The following FHIT variants were observed in gnomAD, a reference collection of about 807,000 sequenced individuals.
FHIT encodes bis(5'-adenosyl)-triphosphatase.
Under a neutral mutation model 17.9 loss-of-function variants are expected in FHIT, and 19 were observed. That is an observed-to-expected ratio of 1.06 (90% confidence interval 0.74 to 1.56). The LOEUF is 1.56. FHIT is among the 40% of genes most tolerant of loss of function. The pLI is 0.00. For synonymous variants in FHIT, 81 were observed against 69.7 expected, an observed-to-expected ratio of 1.16 and a Z score of -0.81; for missense variants, 248 against 189.2, an observed-to-expected ratio of 1.31 and a Z score of -1.82.
intron 3 of FHIT, among the ~76,000 whole-genome samples, chr3:60,931,320 A>G (rs1415219775): frequency 6.6e-6 from 1 of 152,228 alleles, no homozygotes; most frequent in Non-Finnish European, 1.5e-5. Context: ...CATATGTAAC[A>G]AACCTGCACG....
intron 5 of FHIT, among the ~76,000 whole-genome samples, chr3:60,094,599 T>G (rs1703862701): frequency 6.6e-6 from 1 of 152,156 alleles, no homozygotes; most frequent in Non-Finnish European, 1.5e-5. Context: ...TCTGACAGCA[T>G]CTCCTGTCAG....
intron 5 of FHIT, among the ~76,000 whole-genome samples, chr3:60,032,997 A>G (rs1360377519): frequency 2.0e-5 from 3 of 152,218 alleles, no homozygotes; most frequent in Admixed American, 2.0e-4. Flanking sequence ...CGTACTATAG[A>G]ACAGTCTACA....
rs1039348522 is a variant in FHIT at position 60,377,398 on chromosome 3, C to A, written c.103+159462G>T. Among the ~76,000 whole-genome samples the A allele has an allele frequency of 5.3e-5, 8 of 149,870 alleles. 1 individual carries two copies. In the South Asian group the frequency reaches 1.7e-3, roughly 32 times the overall value. On this transcript the variant is annotated intron_variant, in intron 5 of 9. Coordinates refer to ENST00000492590, the MANE Select transcript of FHIT (RefSeq NM_002012.4). ...GGTCTCAATCTCTTGACCTTGTGATCCTCCCGCCTCAGCCTCCCAAAGTGC... is the reference window on the plus strand; with the variant it reads ...GGTCTCAATCTCTTGACCTTGTGATACTCCCGCCTCAGCCTCCCAAAGTGC...
intron 4 of FHIT, among the ~76,000 whole-genome samples, chr3:60,720,660 C>A (rs750572355): frequency 1.3e-5 from 2 of 152,116 alleles, no homozygotes; most frequent in Non-Finnish European, 2.9e-5. Flanking sequence ...TGGTGGGACC[C>A]ATGCACCTGA....
intron 5 of FHIT, among the ~76,000 whole-genome samples, chr3:60,085,894 C>A (rs913163994): frequency 6.6e-6 from 1 of 152,182 alleles, no homozygotes; most frequent in African/African-American, 2.4e-5. Context: ...AAGGTGGCTC[C>A]TCCTGTGAGA....
At chr3:60,810,067 G>A (rs1701525450) in intron 4 of FHIT, among the ~76,000 whole-genome samples, 1 of 152,150 alleles carries the variant, frequency 6.6e-6, no homozygotes. Context: ...AAACACTGAA[G>A]CAGAGATTTC....
intron 5 of FHIT, among the ~76,000 whole-genome samples, chr3:60,227,570 G>A (rs1204764011): frequency 6.6e-6 from 1 of 152,114 alleles, no homozygotes; most frequent in African/African-American, 2.4e-5. Context: ...CCTGGAAGAA[G>A]GAAGAACACG....
At chr3:60,539,023 A>C (rs1332606961) in intron 4 of FHIT, among the ~76,000 whole-genome samples, 5 of 152,098 alleles carry the variant, frequency 3.3e-5, no homozygotes, top group Admixed American at 2.0e-4. Flanking sequence ...AATGGGAGAA[A>C]ATTTTTGCAA....
intron 5 of FHIT, among the ~76,000 whole-genome samples, chr3:60,334,718 C>G (rs1710152282): frequency 6.6e-6 from 1 of 152,232 alleles, no homozygotes; most frequent in Admixed American, 6.5e-5. Context: ...ACCCAGGAAG[C>G]AGAGGTTGCA....
chr3:60,931,242 G>A lies in FHIT; in HGVS notation c.-110-109231C>T, dbSNP rs531201704. On this transcript the variant is annotated intron_variant, in intron 3 of 9. Transcript: ENST00000492590. ...GGTGGGGGGAGTGGGGAGGGATAGC[G>A]TTAGGAGATATACCTAATGCTAAAT... 5.9e-3 allele frequency among the ~76,000 whole-genome samples: 891 copies of A among 152,004 alleles called. 9 individuals are homozygous for A. Among genetic ancestry groups the A allele is most frequent in the African/African-American group, 0.02 (830 of 41,406 alleles).
chr3:59,789,029 G>A (rs1172669959), intron 8 of FHIT, among the ~76,000 whole-genome samples: 5 of 152,110 alleles, frequency 3.3e-5, no homozygotes, highest in South Asian at 4.1e-4. Flanking sequence ...ATCGCACTGC[G>A]TGCTAGTTTA....
At chr3:60,722,495 A>T (rs1261489244) in intron 4 of FHIT, among the ~76,000 whole-genome samples, 1 of 152,106 alleles carries the variant, frequency 6.6e-6, no homozygotes, top group African/African-American at 2.4e-5. Context: ...GGATTTCTCA[A>T]CCTTGGCACT....
chr3:59,837,987 G>T (rs1471000887), intron 8 of FHIT, among the ~76,000 whole-genome samples: 1 of 152,066 alleles, frequency 6.6e-6, no homozygotes, highest in Non-Finnish European at 1.5e-5. Context: ...TGCAGTCATT[G>T]CCACCATCAC....
chr3:59,868,708 T>G (rs1381378520), intron 8 of FHIT, among the ~76,000 whole-genome samples: 1 of 152,188 alleles, frequency 6.6e-6, no homozygotes, highest in African/African-American at 2.4e-5. Context: ...ATCGATTTGC[T>G]TCTCTGGGTA....
At chr3:60,331,973 T>C (rs1710000601) in intron 5 of FHIT, among the ~76,000 whole-genome samples, 1 of 152,124 alleles carries the variant, frequency 6.6e-6, no homozygotes, top group African/African-American at 2.4e-5. Flanking sequence ...AATGCACTTG[T>C]CCTTCCTCAC....
At chr3:60,511,065 G>A (rs767017940) in intron 5 of FHIT, among the ~76,000 whole-genome samples, 8 of 152,124 alleles carry the variant, frequency 5.3e-5, no homozygotes, top group Non-Finnish European at 1.0e-4. Flanking sequence ...ACAGCAGAGT[G>A]GTCAAGAATC....
In FHIT at chr3:60,370,060, C is replaced by T. The variant is rs76364778; in HGVS notation, c.103+166800G>A. ...GTATCCGCTATAGGAGTACATGATT[C>T]GCTGCCTATGTCCGAGAGCTTTGAA... On this transcript the variant is annotated intron_variant, in intron 5 of 9. Coordinates refer to ENST00000492590, the MANE Select transcript of FHIT (RefSeq NM_002012.4). 7.4e-3 allele frequency among the ~76,000 whole-genome samples: 1,123 copies of T among 152,284 alleles called. 15 individuals carry two copies. The highest frequency in any genetic ancestry group is 0.026 in the African/African-American group (1,076 of 41,550).
chr3:60,820,162 G>T (rs1553738876), intron 4 of FHIT, among the ~76,000 whole-genome samples: 1 of 151,962 alleles, frequency 6.6e-6, no homozygotes, highest in Non-Finnish European at 1.5e-5. Context: ...ACAAAAATTA[G>T]GTGGGCCTGG....
chr3:60,320,721 G>A (rs1245511992), intron 5 of FHIT, among the ~76,000 whole-genome samples: 1 of 152,036 alleles, frequency 6.6e-6, no homozygotes, highest in Non-Finnish European at 1.5e-5. Flanking sequence ...TATAAAACTT[G>A]TGCTATAATT....
Sources: allele counts gnomAD v4.1 joint callset (sites outside exome capture counted in the v4.1 genomes callset), GRCh38; gene constraint gnomAD v4.1.1; transcripts MANE v1.5; gene names NCBI Gene and HGNC (gene_info 2026-07-23, HGNC 2026-07-21).